Variants in PRKCA observed in about 807,000 individuals in gnomAD.
The protein encoded by PRKCA is protein kinase C alpha.
Under a neutral mutation model 87.0 loss-of-function variants are expected in PRKCA, and 27 were observed. The observed-to-expected ratio is 0.31, with a 90% CI of 0.23 to 0.43. PRKCA has a LOEUF of 0.43. Ranked by LOEUF, PRKCA falls within the 20% of genes least tolerant of loss-of-function variation. PRKCA has a pLI of 1.00. For synonymous variants in PRKCA, 329 were observed against 311.1 expected, an observed-to-expected ratio of 1.06 and a Z score of -0.61; for missense variants, 518 against 852.3, an observed-to-expected ratio of 0.61 and a Z score of 4.88.
chr17:66,646,348 A>G (rs1971454485), intron 5 of PRKCA, among the ~76,000 whole-genome samples: 1 of 151,964 alleles, frequency 6.6e-6, no homozygotes, highest in Non-Finnish European at 1.5e-5. Context: ...CTGGAGTCTT[A>G]TTGGCCTAGG....
At chr17:66,354,230 C>T (rs758344269) in intron 2 of PRKCA, among the ~76,000 whole-genome samples, 2 of 152,056 alleles carry the variant, frequency 1.3e-5, no homozygotes, top group African/African-American at 2.4e-5. Flanking sequence ...TAATTCCAAC[C>T]CAGCACACCA....
At chr17:66,315,480 CTT>C (rs58393155) in intron 2 of PRKCA, among the ~76,000 whole-genome samples, 39,650 of 139,774 alleles carry the variant, frequency 0.28, 5,505 homozygotes, top group East Asian at 0.39. Flanking sequence ...AGTGTTTTTT[CTT>C]TTTTTTTTTT....
intron 15 of PRKCA, among the ~76,000 whole-genome samples, chr17:66,788,342 G>A (rs191867781): frequency 2.0e-4 from 31 of 152,170 alleles, no homozygotes; most frequent in African/African-American, 5.3e-4. Flanking sequence ...TTAACTAGTC[G>A]CCTTCCTTGT....
intron 2 of PRKCA, among the ~76,000 whole-genome samples, chr17:66,437,731 T>TTTTTTTTTTTTGGGGG (rs55779501): frequency 9.0e-5 from 1 of 11,142 alleles, no homozygotes; most frequent in Non-Finnish European, 1.6e-4. Flanking sequence ...TTTTTTTTTT[T>TTTTTTTTTTTTGGGGG]GAGCGGGGGG....
At chr17:66,367,359 G>A (rs1166789714) in intron 2 of PRKCA, among the ~76,000 whole-genome samples, 6 of 152,208 alleles carry the variant, frequency 3.9e-5, no homozygotes, top group Non-Finnish European at 8.8e-5. Flanking sequence ...CTTAGTGAGA[G>A]CTGGGAGGAC....
chr17:66,685,676 C>A (rs1972608337), intron 5 of PRKCA, among the ~76,000 whole-genome samples: 1 of 152,202 alleles, frequency 6.6e-6, no homozygotes, highest in Non-Finnish European at 1.5e-5. Flanking sequence ...GACTTCCGAT[C>A]TTAGGGCTGT....
intron 3 of PRKCA, among the ~76,000 whole-genome samples, chr17:66,585,299 G>A (rs890717196): frequency 1.3e-5 from 2 of 152,240 alleles, no homozygotes; most frequent in South Asian, 2.1e-4. Flanking sequence ...TGTTGAACAC[G>A]CCTGACCCCC....
intron 3 of PRKCA, chr17:66,554,430 T>C: frequency 2.0e-6 from 1 of 501,746 alleles, no homozygotes; most frequent in Non-Finnish European, 2.6e-6. Context: ...CTATGACACG[T>C]TTCTTGTTCC....
chr17:66,424,705 C>T (rs184956989), intron 2 of PRKCA, among the ~76,000 whole-genome samples: 115 of 152,152 alleles, frequency 7.6e-4, no homozygotes, highest in Non-Finnish European at 6.6e-4. Context: ...TGTCTATGCA[C>T]AATGTAAGGA....
intron 2 of PRKCA, among the ~76,000 whole-genome samples, chr17:66,349,230 A>G (rs1907586559): frequency 6.6e-6 from 1 of 152,122 alleles, no homozygotes; most frequent in Non-Finnish European, 1.5e-5. Context: ...CAAATAGTTT[A>G]TTTTTGCTTT....
At chr17:66,605,295 C>T (rs572509605) in intron 3 of PRKCA, among the ~76,000 whole-genome samples, 1 of 152,298 alleles carries the variant, frequency 6.6e-6, no homozygotes, top group African/African-American at 2.4e-5. Context: ...CATAAGTGGA[C>T]CCATGAGACC....
At position 66,331,143 on chromosome 17, in the gene PRKCA, A is replaced by C. The variant is rs149119687; in HGVS notation, c.205+25016A>C. On this transcript the variant is annotated intron_variant, in intron 2 of 16. Transcript: ENST00000413366. ...TCTTATCTCCCTGCTCCTTGGACTC[A>C]TGTTATCAGGGGAAGGGAGCTTGGG... Among the ~76,000 whole-genome samples, 94 of 152,258 alleles carry C rather than the reference A, an allele frequency of 6.2e-4. 1 individual carries two copies. Among genetic ancestry groups the C allele is most frequent in the Non-Finnish European group, 1.5e-4 (10 of 68,026 alleles).
At chr17:66,512,488 GTGTA>G (rs1176611973) in intron 3 of PRKCA, among the ~76,000 whole-genome samples, 1 of 38,312 alleles carries the variant, frequency 2.6e-5, no homozygotes, top group African/African-American at 1.0e-4. Flanking sequence ...GTGTGTGTGT[GTGTA>G]TTTCTTTCTT....
chr17:66,705,975 G>T (rs1309079974), intron 8 of PRKCA, among the ~76,000 whole-genome samples: 1 of 152,164 alleles, frequency 6.6e-6, no homozygotes, highest in Admixed American at 6.5e-5. Context: ...AATCGCAAGG[G>T]TTCTGACCTC....
At chr17:66,309,896 G>A (rs1018592925) in intron 2 of PRKCA, among the ~76,000 whole-genome samples, 2 of 152,164 alleles carry the variant, frequency 1.3e-5, no homozygotes, top group African/African-American at 4.8e-5. Flanking sequence ...TCTGTTTCCA[G>A]TTGGTAGTTT....
chr17:66,765,438 A>C (rs1204016602), intron 13 of PRKCA, among the ~76,000 whole-genome samples: 7 of 135,870 alleles, frequency 5.2e-5, no homozygotes, highest in Admixed American at 1.5e-4. Context: ...ATATATATAT[A>C]TATATATATA....
intron 8 of PRKCA, among the ~76,000 whole-genome samples, chr17:66,726,564 G>A (rs1404847784): frequency 6.6e-6 from 1 of 152,166 alleles, no homozygotes; most frequent in Non-Finnish European, 1.5e-5. Context: ...GCAGGAGACA[G>A]GTGGGAGCTT....
At chr17:66,441,744 T>C (rs1375722930) in intron 2 of PRKCA, among the ~76,000 whole-genome samples, 3 of 152,188 alleles carry the variant, frequency 2.0e-5, no homozygotes, top group Non-Finnish European at 2.9e-5. Flanking sequence ...TAATACTTTT[T>C]TTTTCAGGTG....
chr17:66,493,915 A>G (rs1002233633), intron 2 of PRKCA, among the ~76,000 whole-genome samples: 1 of 152,226 alleles, frequency 6.6e-6, no homozygotes, highest in Non-Finnish European at 1.5e-5. Flanking sequence ...CTAATGAGGC[A>G]TTATAGGCCT....
Sources: allele counts gnomAD v4.1 joint callset (sites outside exome capture counted in the v4.1 genomes callset), GRCh38; gene constraint gnomAD v4.1.1; transcripts MANE v1.5; gene names NCBI Gene and HGNC (gene_info 2026-07-23, HGNC 2026-07-21).